Variants in KANSL1 observed in about 807,000 individuals in gnomAD.
KANSL1 encodes MLL1/MLL complex subunit KANSL1.
Under a neutral mutation model 103.6 loss-of-function variants are expected in KANSL1, and 22 were observed. That is an observed-to-expected ratio of 0.21 (90% CI 0.15 to 0.30). The LOEUF (loss-of-function observed/expected upper bound fraction) is 0.30, where lower values mean the gene tolerates loss of function less well. Among genes scored for constraint, KANSL1 ranks in the 10% least tolerant of loss-of-function variants. The pLI is 1.00. For synonymous variants in KANSL1, 600 were observed against 527.6 expected, an observed-to-expected ratio of 1.14 and a Z score of -1.88; for missense variants, 1,337 against 1,399.8, an observed-to-expected ratio of 0.96 and a Z score of 0.72.
At chr17:46,213,457 C>T (rs533782791) in intron 1 of KANSL1, among the ~76,000 whole-genome samples, 351 of 151,014 alleles carry the variant, frequency 2.3e-3, no homozygotes, top group Non-Finnish European at 3.7e-3. Context: ...CCCAACACCA[C>T]GCCCGGCTAA....
At chr17:46,091,470 G>A (rs1460094078) in intron 3 of KANSL1, among the ~76,000 whole-genome samples, 1 of 131,308 alleles carries the variant, frequency 7.6e-6, no homozygotes, top group East Asian at 2.3e-4. Flanking sequence ...TATTTATAAA[G>A]TTTATAGTAG....
At chr17:46,216,047 A>G (rs2048330153) in intron 1 of KANSL1, among the ~76,000 whole-genome samples, 1 of 152,124 alleles carries the variant, frequency 6.6e-6, no homozygotes, top group Non-Finnish European at 1.5e-5. Context: ...CTCAATAGTA[A>G]TAATAATAAT....
chr17:46,079,993 G>A (rs775818739), intron 4 of KANSL1, among the ~76,000 whole-genome samples: 5 of 151,316 alleles, frequency 3.3e-5, no homozygotes, highest in African/African-American at 4.9e-5. Flanking sequence ...TGGAAAGAAA[G>A]AGAGAAAAAG....
At chr17:46,191,632 C>T (rs760804305) in intron 1 of KANSL1, among the ~76,000 whole-genome samples, 52 of 152,188 alleles carry the variant, frequency 3.4e-4, no homozygotes, top group Non-Finnish European at 2.6e-4. Context: ...GTAATTTTAT[C>T]GTTTATTTTA....
chr17:46,039,048 G>A lies in KANSL1; in HGVS notation c.2371C>T (p.His791Tyr). The change falls in exon 9 of 15, where the codon CAT becomes TAT. Residue 791 changes from histidine to tyrosine, a missense_variant. Transcript: ENST00000432791. ...CTACCTTCACTTCTCTCAGATGAATGGTCTCGCAATCTCATTTTGCTGTGG... is the reference window on the plus strand; with the variant it reads ...CTACCTTCACTTCTCTCAGATGAATAGTCTCGCAATCTCATTTTGCTGTGG... Reference protein sequence around the residue: ...PNHSKMRLRDHSSERSEVLKH... With the variant: ...PNHSKMRLRDYSSERSEVLKH... The A allele has an allele frequency of 6.2e-7, 1 of 1,611,186 alleles. No homozygotes were observed. The highest frequency in any genetic ancestry group is 1.1e-5 in the South Asian group (1 of 90,766).
intron 2 of KANSL1, among the ~76,000 whole-genome samples, chr17:46,118,244 T>C: frequency 6.8e-6 from 1 of 147,612 alleles, no homozygotes; most frequent in East Asian, 1.9e-4. Context: ...CACAAGTGTG[T>C]CAAAAAAAAT....
chr17:46,087,262 T>G (rs1255431917), intron 3 of KANSL1, among the ~76,000 whole-genome samples: 3 of 152,222 alleles, frequency 2.0e-5, no homozygotes, highest in African/African-American at 4.8e-5. Flanking sequence ...TGTGCTCAAG[T>G]GTTACACTGA....
chr17:46,115,907 C>T (rs1315574843), intron 2 of KANSL1, among the ~76,000 whole-genome samples: 1 of 152,190 alleles, frequency 6.6e-6, no homozygotes, highest in Non-Finnish European at 1.5e-5. Context: ...AAGTTATCAC[C>T]ACAGTAGTTA....
intron 1 of KANSL1, among the ~76,000 whole-genome samples, chr17:46,186,903 GTT>G (rs56296060): frequency 1.1e-4 from 17 of 147,976 alleles, no homozygotes; most frequent in African/African-American, 4.0e-4. Flanking sequence ...AATTTTTGCT[GTT>G]TTTTTTTTTA....
At chr17:46,172,610 A>C (rs1351175020) in intron 1 of KANSL1, among the ~76,000 whole-genome samples, 3 of 152,262 alleles carry the variant, frequency 2.0e-5, no homozygotes, top group African/African-American at 7.2e-5. Flanking sequence ...CAAACTAAGC[A>C]ATAATTAAAC....
intron 2 of KANSL1, among the ~76,000 whole-genome samples, chr17:46,138,508 G>A (rs2147341899): frequency 6.6e-6 from 1 of 152,332 alleles, no homozygotes; most frequent in African/African-American, 2.4e-5. Context: ...AGGGATTTGA[G>A]CACTGTCAGA....
chr17:46,111,769 G>T (rs1243784384), intron 2 of KANSL1, among the ~76,000 whole-genome samples: 1 of 152,198 alleles, frequency 6.6e-6, no homozygotes, highest in Non-Finnish European at 1.5e-5. Flanking sequence ...AAAGGAGAGG[G>T]AATTCCTATC....
In KANSL1 at chr17:46,068,622, A is replaced by G. The variant is rs763255929; in HGVS notation, c.1534-955T>C. Among the ~76,000 whole-genome samples the G allele has an allele frequency of 5.1e-4, 78 of 152,188 alleles. 1 individual carries two copies. Among genetic ancestry groups the G allele is most frequent in the Non-Finnish European group, 3.8e-4 (26 of 68,032 alleles). On this transcript the variant is annotated intron_variant, in intron 4 of 14. Transcript: ENST00000432791. ...CACACATTTTTCCCTGACAGAAAAC[A>G]AAGTTAATAAAATCTCAATGAATCT... is the stretch of plus-strand genomic sequence containing the variant.
chr17:46,044,093 A>G (rs1280601141), intron 7 of KANSL1: 1 of 152,162 alleles, frequency 6.6e-6, no homozygotes, highest in African/African-American at 2.4e-5. Flanking sequence ...AATCTAAAAT[A>G]GACTGGATAC....
At chr17:46,192,625 C>G (rs1305315182) in intron 1 of KANSL1, 198 bp downstream of exon 1, 1 of 153,164 alleles carries the variant, frequency 6.5e-6, no homozygotes, top group Non-Finnish European at 1.5e-5. Context: ...ACACCCCCGC[C>G]CTTGGGGCGA....
chr17:46,208,132 A>T (rs2696460), intron 1 of KANSL1, among the ~76,000 whole-genome samples: 15,554 of 144,106 alleles, frequency 0.11, 21 homozygotes, highest in Middle Eastern at 0.18. Flanking sequence ...AGTTTCAAAG[A>T]TAAAACAAAA....
At chr17:46,162,402 C>T (rs1015491605) in intron 2 of KANSL1, among the ~76,000 whole-genome samples, 1 of 152,164 alleles carries the variant, frequency 6.6e-6, no homozygotes, top group Non-Finnish European at 1.5e-5. Flanking sequence ...AGAGCCTAAT[C>T]GGGGGCTCTA....
At chr17:46,040,174 G>T in intron 7 of KANSL1, 3 of 418,644 alleles carry the variant, frequency 7.2e-6, no homozygotes, top group African/African-American at 2.0e-5. Flanking sequence ...TGAATTTACT[G>T]GTTTGAAAAC....
intron 2 of KANSL1, among the ~76,000 whole-genome samples, chr17:46,165,358 G>A (rs1182140222): frequency 2.7e-5 from 4 of 150,356 alleles, no homozygotes; most frequent in African/African-American, 7.3e-5. Flanking sequence ...TCAGCCTCCC[G>A]AGTAGCTGGG....
Sources: gnomAD v4.1 joint callset for allele counts (sites outside exome capture counted in the v4.1 genomes callset) on GRCh38, gnomAD v4.1.1 for gene constraint, MANE v1.5 for transcripts, NCBI Gene and HGNC (gene_info 2026-07-23, HGNC 2026-07-21) for gene names.